MIDEAS: variants seen among roughly 807,000 people sequenced by gnomAD.
MIDEAS encodes the protein mitotic deacetylase-associated SANT domain protein.
MIDEAS carries 26 observed loss-of-function variants against 102.7 expected under a neutral mutation model. The ratio of observed to expected loss-of-function variants is 0.25; its 90% CI spans 0.19 to 0.35. MIDEAS has a LOEUF of 0.35. MIDEAS is among the 10% of genes least tolerant of loss of function. The probability of loss-of-function intolerance (pLI) is 1.00; values close to 1 mark genes in which losing one functional copy is unlikely to be tolerated. For synonymous variants in MIDEAS, 585 were observed against 591.0 expected (o/e 0.99, Z 0.15); for missense variants, 1,231 against 1,435.6 (o/e 0.86, Z 2.30).
At chr14:73,758,147 ACGAGAT>A (rs533560528) in intron 1 of MIDEAS, among the ~76,000 whole-genome samples, 206 of 152,328 alleles carry the variant, frequency 1.4e-3, no homozygotes, top group African/African-American at 4.7e-3. Context: ...GGGCCATGCA[ACGAGAT>A]GGTTTATCAC....
chr14:73,721,168 G>T (rs2052983175), intron 11 of MIDEAS, 129 bp downstream of exon 11: 3 of 861,180 alleles, frequency 3.5e-6, no homozygotes, highest in Non-Finnish European at 5.6e-6. Flanking sequence ...ACAGCACAAA[G>T]TACTTCACAC....
At chr14:73,720,908 GCT>G (rs2052980483) in intron 11 of MIDEAS, among the ~76,000 whole-genome samples, 1 of 152,158 alleles carries the variant, frequency 6.6e-6, no homozygotes, top group Non-Finnish European at 1.5e-5. Context: ...AGGGACTCTG[GCT>G]CTCTTAGGGG....
At chr14:73,766,420 T>C (rs551235946) in intron 1 of MIDEAS, among the ~76,000 whole-genome samples, 4 of 152,386 alleles carry the variant, frequency 2.6e-5, no homozygotes, top group African/African-American at 9.6e-5. Flanking sequence ...GCTGTTACTT[T>C]TATTACTGTT....
rs1367932138 is a variant in MIDEAS at position 73,718,607 on chromosome 14, G to A, written c.*236C>T. 2.7e-6 allele frequency: 1 copy of A among 377,304 alleles called. No individual in the cohort carries two copies. Among genetic ancestry groups the A allele is most frequent in the African/African-American group, 2.1e-5 (1 of 47,638 alleles). The allele number at this position is 377,304 out of a possible 1,614,324, so 23.4% of individuals were successfully genotyped here. ...GGACTCTCCCGGTCCAGGAAAGCAC[G>A]AGGACAGCTTCCGACAGACCAAATG... On this transcript the variant is annotated 3_prime_UTR_variant, in exon 13 of 13. Coordinates refer to ENST00000423556, the MANE Select transcript of MIDEAS (RefSeq NM_001367710.1).
rs184655008 is a variant in MIDEAS, at chr14:73,742,541, C to G, written c.-247-2286G>C. On this transcript the variant is annotated intron_variant, in intron 1 of 12. Coordinates refer to ENST00000423556, the MANE Select transcript of MIDEAS (RefSeq NM_001367710.1). The surrounding 1 kb of genome is among the most constrained non-coding windows in gnomAD (Gnocchi z 4.4). ...AGCTGTATGGTCAGCCCTGGAGGAGCTGAGCTCAGCTGGGAAGCCTCCCAC... is the reference window on the plus strand; with the variant it reads ...AGCTGTATGGTCAGCCCTGGAGGAGGTGAGCTCAGCTGGGAAGCCTCCCAC... Among the ~76,000 whole-genome samples the G allele has an allele frequency of 2.4e-3, 362 of 152,370 alleles. 2 individuals are homozygous for G. The highest frequency in any genetic ancestry group is 5.7e-4 in the Non-Finnish European group (39 of 68,032).
intron 1 of MIDEAS, among the ~76,000 whole-genome samples, chr14:73,747,055 G>A (rs1422629373): frequency 6.6e-6 from 1 of 152,162 alleles, no homozygotes; most frequent in African/African-American, 2.4e-5. Context: ...CCTTCTGCCT[G>A]GAAGCCCTGC....
chr14:73,721,174 C>T, intron 11 of MIDEAS, 123 bp downstream of exon 11: 1 of 911,340 alleles, frequency 1.1e-6, no homozygotes, highest in Non-Finnish European at 1.7e-6. Flanking sequence ...CAAAGTACTT[C>T]ACACATTTCC....
In MIDEAS at chr14:73,739,264, G is replaced by GCTGCTT. The variant is rs1320219615; in HGVS notation, c.739_744dup (p.Lys247_Gln248dup). 1 of 1,612,200 alleles carries GCTGCTT rather than the reference G, an allele frequency of 6.2e-7. No individual in the cohort carries two copies. Among genetic ancestry groups the GCTGCTT allele is most frequent in the East Asian group, 2.2e-5 (1 of 44,860 alleles). On this transcript the variant is annotated inframe_insertion, in exon 2 of 13. Coordinates refer to ENST00000423556, the MANE Select transcript of MIDEAS (RefSeq NM_001367710.1). ...TGCTGCTGTGGTTGCTGCTGCTGCT[G>GCTGCTT]CTGCTTCTGTGGAGGGAAGGCAGCC...
rs201991750 is a variant in MIDEAS, at chr14:73,785,390, A to G, written c.-248+1712T>C. Reference sequence around the variant, plus strand: ...TCTGGTCTGTGCCACAGTCCCTGCTAAGAAAGTGGGCCTAGGGTTCCTATG... The same window carrying G: ...TCTGGTCTGTGCCACAGTCCCTGCTGAGAAAGTGGGCCTAGGGTTCCTATG... On this transcript the variant is annotated intron_variant, in intron 1 of 11. Transcript: ENST00000394071. Among the ~76,000 whole-genome samples, 18 of 152,304 alleles carry G rather than the reference A, an allele frequency of 1.2e-4. No homozygotes were observed. In the East Asian group the frequency reaches 1.9e-3, roughly 16 times the overall value.
intron 11 of MIDEAS, 139 bp downstream of exon 11, chr14:73,721,158 A>G: frequency 1.3e-6 from 1 of 798,730 alleles, no homozygotes; most frequent in Non-Finnish European, 2.0e-6. Flanking sequence ...AAATGAGTTA[A>G]CAGCACAAAG....
chr14:73,788,469 C>A (rs760311443), upstream of MIDEAS, among the ~76,000 whole-genome samples: 3 of 152,280 alleles, frequency 2.0e-5, no homozygotes, highest in Non-Finnish European at 2.9e-5. Flanking sequence ...ATCCCCAGGT[C>A]TGTGTTAATC....
chr14:73,766,968 G>A (rs1000267277), intron 1 of MIDEAS, among the ~76,000 whole-genome samples: 3 of 147,926 alleles, frequency 2.0e-5, no homozygotes, highest in African/African-American at 7.5e-5. Context: ...TGATTCTTCT[G>A]CCTCAGCCTC....
intron 1 of MIDEAS, among the ~76,000 whole-genome samples, chr14:73,774,395 G>C (rs1789846696): frequency 6.6e-6 from 1 of 151,876 alleles, no homozygotes; most frequent in Non-Finnish European, 1.5e-5. Flanking sequence ...AGGTGGGACA[G>C]GACTTTCATT....
chr14:73,723,641 C>G (rs1315447402), intron 9 of MIDEAS: 1 of 152,298 alleles, frequency 6.6e-6, no homozygotes, highest in East Asian at 1.9e-4. Flanking sequence ...TATGTTTAGA[C>G]ATAGAGAAAG....
At chr14:73,785,930 A>G (rs1222196565) in intron 1 of MIDEAS, among the ~76,000 whole-genome samples, 1 of 152,234 alleles carries the variant, frequency 6.6e-6, no homozygotes, top group Non-Finnish European at 1.5e-5. Context: ...TCAGACCCAG[A>G]TCTATCCTGG....
chr14:73,763,864 G>GT (rs1401790949), upstream of MIDEAS, among the ~76,000 whole-genome samples: 7 of 151,600 alleles, frequency 4.6e-5, no homozygotes, highest in Admixed American at 1.3e-4. Context: ...CAGATGCACT[G>GT]TTTAAGTGTT....
chr14:73,725,159 A>G lies in MIDEAS; in HGVS notation c.2574+113T>C. 1 of 775,490 alleles carries G rather than the reference A, an allele frequency of 1.3e-6. No homozygotes were observed. The highest frequency in any genetic ancestry group is 2.3e-6 in the Non-Finnish European group (1 of 430,206). 48.0% of individuals were successfully genotyped at this position (775,490 alleles called of 1,614,324 possible). On this transcript the variant is annotated intron_variant, in intron 9 of 12. Transcript: ENST00000423556. This position sits in a 1 kb window ranked among gnomAD's most constrained non-coding sequence, Gnocchi z 4.1. ...TAGGAAATTCTCTCTGAGGCTACTC[A>G]GTAGCATTGACCTGACTGCTTTTTA...
In MIDEAS at chr14:73,721,325, G is replaced by T; in HGVS notation, c.2909C>A (p.Ala970Asp). Residue 970 changes from alanine to aspartate, a missense_variant, in exon 11 of 13, where the codon GCC becomes GAC. Ala to Asp is a moderately radical substitution (Grantham distance 126). Transcript: ENST00000423556. ...CTCATTGGCCTGTAGTGTCTGCGTG[G>T]CTTTGACTGCCGCTGCCCGCCTGCT... ...ERSRRAAAVK[A>D]TQTLQANESA... 1 of 1,613,602 alleles carries T rather than the reference G, an allele frequency of 6.2e-7. No individual in the cohort carries two copies. The highest frequency in any genetic ancestry group is 8.5e-7 in the Non-Finnish European group (1 of 1,180,024).
Position 73,715,644 on chromosome 14 carries a change from T to G in MIDEAS, c.*3199A>C, listed in dbSNP as rs2052874562. On this transcript the variant is annotated 3_prime_UTR_variant, in exon 13 of 13. Transcript: ENST00000423556. Reference sequence around the variant, plus strand: ...CCTACTTCCTGTAAACCTATGGAGTTAGGCTTGCCAGTCTGATAATAAATA... The same window carrying G: ...CCTACTTCCTGTAAACCTATGGAGTGAGGCTTGCCAGTCTGATAATAAATA... 1 of 152,516 alleles carries G rather than the reference T, an allele frequency of 6.6e-6. No homozygotes were observed. The allele number at this position is 152,516 out of a possible 1,614,324, so 9.4% of individuals were successfully genotyped here. A position where few individuals can be genotyped will look rare whatever the true frequency, so the allele number is the denominator to read the frequency against.
Sources: allele counts gnomAD v4.1 joint callset (sites outside exome capture counted in the v4.1 genomes callset), GRCh38; gene constraint gnomAD v4.1.1; non-coding constraint Gnocchi (gnomAD v3.1); transcripts MANE v1.5; gene names NCBI Gene and HGNC (gene_info 2026-07-23, HGNC 2026-07-21).